ROBO1: variants seen among roughly 807,000 people sequenced by gnomAD.
The protein encoded by ROBO1 is roundabout guidance receptor 1.
In ROBO1, 149 loss-of-function variants were observed where a neutral mutation model predicts 195.9. The observed-to-expected ratio is 0.76, with a 90% confidence interval of 0.67 to 0.87. The LOEUF is 0.87. ROBO1 is among the 40% of genes least tolerant of loss of function. The pLI is 0.00. For missense variants in ROBO1, 1,933 were observed against 2,068.3 expected, an observed-to-expected ratio of 0.93 and a Z score of 1.27; for synonymous variants, 816 against 733.2, an observed-to-expected ratio of 1.11 and a Z score of -1.82.
intron 2 of ROBO1, among the ~76,000 whole-genome samples, chr3:79,586,007 G>C (rs955482185): frequency 8.6e-5 from 13 of 151,836 alleles, no homozygotes; most frequent in African/African-American, 3.1e-4. Context: ...TTTGTAAGAA[G>C]CACGCATGCA....
At chr3:79,423,925 A>G (rs577158167) in intron 2 of ROBO1, among the ~76,000 whole-genome samples, 1 of 152,082 alleles carries the variant, frequency 6.6e-6, no homozygotes, top group South Asian at 2.1e-4. Context: ...CCATATTAAC[A>G]TACAGTTATG....
chr3:79,392,538 A>G (rs1483665501), intron 2 of ROBO1, among the ~76,000 whole-genome samples: 1 of 152,198 alleles, frequency 6.6e-6, no homozygotes, highest in African/African-American at 2.4e-5. Flanking sequence ...AGGGAGATCA[A>G]TATTCCAAAC....
intron 2 of ROBO1, among the ~76,000 whole-genome samples, chr3:79,364,750 A>T (rs2035903591): frequency 6.6e-6 from 1 of 152,182 alleles, no homozygotes; most frequent in Admixed American, 6.5e-5. Flanking sequence ...ATTGACATCA[A>T]CTACTCTGAA....
chr3:78,622,464 T>C (rs1012873413), intron 26 of ROBO1, among the ~76,000 whole-genome samples: 1 of 152,218 alleles, frequency 6.6e-6, no homozygotes, highest in Non-Finnish European at 1.5e-5. Flanking sequence ...TTAGGTAACA[T>C]GCTTTATGCT....
At chr3:79,699,160 G>C (rs1022721491) in intron 1 of ROBO1, among the ~76,000 whole-genome samples, 2 of 151,082 alleles carry the variant, frequency 1.3e-5, no homozygotes, top group Non-Finnish European at 3.0e-5. Flanking sequence ...CAGTACGTTT[G>C]AGTGAACAAA....
chr3:78,947,521 G>A (rs1048585008), intron 3 of ROBO1, among the ~76,000 whole-genome samples: 1 of 152,166 alleles, frequency 6.6e-6, no homozygotes, highest in Non-Finnish European at 1.5e-5. Context: ...CACATTCAAA[G>A]CAGTGTGTAG....
chr3:79,051,559 A>T (rs1167733164), intron 3 of ROBO1, among the ~76,000 whole-genome samples: 1 of 152,168 alleles, frequency 6.6e-6, no homozygotes, highest in Non-Finnish European at 1.5e-5. Context: ...TCATTTTAGG[A>T]GGCCAGTATC....
rs536317802 is a variant in ROBO1, at chr3:79,501,818, A to C, written c.88+88006T>G. On this transcript the variant is annotated intron_variant, in intron 2 of 30. Coordinates refer to ENST00000464233, the MANE Select transcript of ROBO1 (RefSeq NM_002941.4). ...TAAATCCATCAACATACATGCTTCC[A>C]AGGCCATGTGATCTCCACTTATGAA... 8.5e-5 allele frequency among the ~76,000 whole-genome samples: 13 copies of C among 152,330 alleles called. No individual in the cohort carries two copies. In the South Asian group the frequency reaches 2.3e-3, roughly 27 times the overall value.
chr3:79,300,483 G>A (rs1011450308), intron 2 of ROBO1, among the ~76,000 whole-genome samples: 6 of 152,208 alleles, frequency 3.9e-5, no homozygotes, highest in Non-Finnish European at 8.8e-5. Flanking sequence ...CCTGCAGCCC[G>A]CCATGCCTGA....
intron 1 of ROBO1, among the ~76,000 whole-genome samples, chr3:79,760,407 T>A (rs896924017): frequency 9.4e-5 from 14 of 148,456 alleles, no homozygotes; most frequent in African/African-American, 3.2e-4. Flanking sequence ...ACAGTGTATA[T>A]CATATTTGAA....
At chr3:79,085,974 G>A (rs1423596849) in intron 3 of ROBO1, among the ~76,000 whole-genome samples, 1 of 152,068 alleles carries the variant, frequency 6.6e-6, no homozygotes, top group African/African-American at 2.4e-5. Flanking sequence ...TTCTCTGTTT[G>A]TTAATGTATT....
chr3:78,783,934 G>C (rs897602625), intron 4 of ROBO1, among the ~76,000 whole-genome samples: 3 of 152,040 alleles, frequency 2.0e-5, no homozygotes, highest in Admixed American at 1.3e-4. Flanking sequence ...TGAAACTTGA[G>C]AAATATAAAA....
intron 4 of ROBO1, among the ~76,000 whole-genome samples, chr3:78,804,458 G>A (rs1388854837): frequency 6.6e-6 from 1 of 152,100 alleles, no homozygotes; most frequent in East Asian, 1.9e-4. Context: ...AACCACAACA[G>A]TTGCTTTTGG....
intron 3 of ROBO1, among the ~76,000 whole-genome samples, chr3:79,002,995 C>G (rs2077540411): frequency 6.6e-6 from 1 of 152,072 alleles, no homozygotes; most frequent in African/African-American, 2.4e-5. Context: ...AGCTGAGCTC[C>G]AAGTAAAGGA....
chr3:79,137,806 A>C (rs1298521933), intron 2 of ROBO1, among the ~76,000 whole-genome samples: 1 of 152,028 alleles, frequency 6.6e-6, no homozygotes, highest in East Asian at 1.9e-4. Context: ...TTATTCATCA[A>C]TCTAACTCTG....
At chr3:78,831,437 C>T (rs1290674006) in intron 4 of ROBO1, among the ~76,000 whole-genome samples, 1 of 152,124 alleles carries the variant, frequency 6.6e-6, no homozygotes, top group Non-Finnish European at 1.5e-5. Context: ...TGATTGTAAA[C>T]TGCATGTCAG....
chr3:79,635,255 A>G (rs879778376), intron 1 of ROBO1, among the ~76,000 whole-genome samples: 1 of 152,188 alleles, frequency 6.6e-6, no homozygotes, highest in Non-Finnish European at 1.5e-5. Context: ...TGCTTACACA[A>G]TCAGTGCAAA....
At chr3:79,648,376 C>G (rs1945897943) in intron 1 of ROBO1, among the ~76,000 whole-genome samples, 1 of 152,000 alleles carries the variant, frequency 6.6e-6, no homozygotes, top group Non-Finnish European at 1.5e-5. Context: ...ACAAAGAGCA[C>G]TGGAGAAAGA....
chr3:79,018,968 G>A, intron 3 of ROBO1: 1 of 989,530 alleles, frequency 1.0e-6, no homozygotes, highest in Non-Finnish European at 1.2e-6. Context: ...GGCGATAGCA[G>A]CCAAAGTAGA....
Sources: allele counts gnomAD v4.1 joint callset (sites outside exome capture counted in the v4.1 genomes callset), GRCh38; gene constraint gnomAD v4.1.1; transcripts MANE v1.5; gene names NCBI Gene and HGNC (gene_info 2026-07-23, HGNC 2026-07-21).